Variants in PRIMA1 observed in about 807,000 individuals in gnomAD.
PRIMA1 encodes proline rich membrane anchor 1.
PRIMA1 carries 7 observed loss-of-function variants against 17.5 expected under a neutral mutation model. The observed-to-expected ratio is 0.40, with a 90% CI of 0.23 to 0.75. The LOEUF (loss-of-function observed/expected upper bound fraction) is 0.75, where lower values mean the gene tolerates loss of function less well. PRIMA1 is among the 30% of genes least tolerant of loss of function. The pLI is 0.37. For missense variants in PRIMA1, 200 were observed against 201.8 expected (o/e 0.99, Z 0.05); for synonymous variants, 97 against 77.9 (o/e 1.25, Z -1.29).
intron 4 of PRIMA1, among the ~76,000 whole-genome samples, chr14:93,728,024 G>A (rs1260836171): frequency 1.3e-5 from 2 of 152,170 alleles, no homozygotes; most frequent in South Asian, 2.1e-4. Flanking sequence ...TGCTTCGGGG[G>A]CTCCTGAAGC....
chr14:93,784,008 CCT>C (rs1442845930), intron 2 of PRIMA1, among the ~76,000 whole-genome samples: 2 of 152,294 alleles, frequency 1.3e-5, no homozygotes, highest in Non-Finnish European at 2.9e-5. Context: ...TCCATCTATT[CCT>C]CTGTTTCCTT....
At chr14:93,788,312 C>T (rs1274178359) in intron 1 of PRIMA1, 98 bp downstream of exon 1, 2 of 154,796 alleles carry the variant, frequency 1.3e-5, no homozygotes, top group African/African-American at 4.8e-5. Flanking sequence ...GTGCGCTGCC[C>T]CTTTGCACGC....
At chr14:93,756,338 A>G (rs1211864097) in intron 3 of PRIMA1, among the ~76,000 whole-genome samples, 1 of 152,230 alleles carries the variant, frequency 6.6e-6, no homozygotes, top group Non-Finnish European at 1.5e-5. Flanking sequence ...CTGTGGCCTC[A>G]GACATGGATT....
intron 3 of PRIMA1, among the ~76,000 whole-genome samples, chr14:93,744,538 A>C (rs1044510480): frequency 9.2e-5 from 14 of 152,184 alleles, no homozygotes; most frequent in African/African-American, 3.4e-4. Context: ...GAAAACCACA[A>C]ATACAAAATC....
intron 3 of PRIMA1, among the ~76,000 whole-genome samples, chr14:93,759,489 G>A (rs1046892859): frequency 1.8e-4 from 27 of 152,202 alleles, no homozygotes; most frequent in African/African-American, 6.3e-4. Context: ...ATGTGTGTGC[G>A]CGTGCATGTG....
chr14:93,758,083 T>C (rs1436272683), intron 3 of PRIMA1, among the ~76,000 whole-genome samples: 1 of 152,186 alleles, frequency 6.6e-6, no homozygotes, highest in Non-Finnish European at 1.5e-5. Flanking sequence ...CCCTGGCTCA[T>C]TCCTTCACTT....
intron 3 of PRIMA1, among the ~76,000 whole-genome samples, chr14:93,744,765 A>G (rs2076206308): frequency 6.6e-6 from 1 of 151,958 alleles, no homozygotes; most frequent in African/African-American, 2.4e-5. Context: ...CCTCCCTCCA[A>G]TCACGGATTC....
Position 93,776,313 on chromosome 14 carries a change from G to A in PRIMA1, c.229+2863C>T, listed in dbSNP as rs554205477. 1.6e-3 allele frequency among the ~76,000 whole-genome samples: 245 copies of A among 152,314 alleles called. 1 individual carries two copies. Among genetic ancestry groups the A allele is most frequent in the African/African-American group, 5.1e-3 (214 of 41,572 alleles). ...AGATGTGTTTTTGCTACTTGAAACA[G>A]AAAAAGTCCTGCCATACAGAGCTCT... On this transcript the variant is annotated intron_variant, in intron 3 of 4. Coordinates refer to ENST00000393140, the MANE Select transcript of PRIMA1 (RefSeq NM_178013.4).
intron 3 of PRIMA1, among the ~76,000 whole-genome samples, chr14:93,764,820 C>T (rs56073943): frequency 0.12 from 18,480 of 152,088 alleles, 1,679 homozygotes; most frequent in African/African-American, 0.25. Context: ...AGGTACTGCC[C>T]GTAGCAGATG....
chr14:93,766,118 T>C (rs1463664591), intron 3 of PRIMA1, among the ~76,000 whole-genome samples: 1 of 152,214 alleles, frequency 6.6e-6, no homozygotes, highest in African/African-American at 2.4e-5. Flanking sequence ...GCTGTAGATT[T>C]TTTTAAAGAC....
intron 3 of PRIMA1, among the ~76,000 whole-genome samples, chr14:93,751,065 C>CG (rs971104309): frequency 6.6e-6 from 1 of 152,234 alleles, no homozygotes; most frequent in Non-Finnish European, 1.5e-5. Context: ...CTGGAAGGCT[C>CG]GGGGGAGCTG....
Position 93,787,682 on chromosome 14 carries a change from A to G in PRIMA1, c.37T>C (p.Cys13Arg). The G allele has an allele frequency of 6.5e-7, 1 of 1,544,550 alleles. No individual in the cohort carries two copies. The highest frequency in any genetic ancestry group is 8.7e-7 in the Non-Finnish European group (1 of 1,146,792). ...LRDLVLRRGC[C>R]WSSLLLHCAL... is the part of the protein sequence containing the mutation. Reference sequence around the variant, plus strand: ...CAGTGCAGCAGCAGCGAGGACCAGCAGCAGCCACGGCGCAGCACCAAGTCC... The same window carrying G: ...CAGTGCAGCAGCAGCGAGGACCAGCGGCAGCCACGGCGCAGCACCAAGTCC... The change falls in exon 2 of 5, where the codon TGC becomes CGC. Residue 13 changes from cysteine (C) to arginine (R), a missense_variant. Physicochemically the swap from Cys to Arg is radical, Grantham distance 180. Transcript: ENST00000393140.
chr14:93,738,914 G>C (rs1439824591), intron 3 of PRIMA1, among the ~76,000 whole-genome samples: 1 of 152,194 alleles, frequency 6.6e-6, no homozygotes, highest in Non-Finnish European at 1.5e-5. Flanking sequence ...GAATCATGCA[G>C]TGTGTATTTT....
intron 3 of PRIMA1, among the ~76,000 whole-genome samples, chr14:93,747,902 G>T (rs570299933): frequency 8.3e-4 from 75 of 90,838 alleles, no homozygotes; most frequent in Non-Finnish European, 1.4e-3. Flanking sequence ...GTATGAGTGT[G>T]TAAGAGTGGG....
intron 2 of PRIMA1, among the ~76,000 whole-genome samples, chr14:93,787,270 G>A (rs998245540): frequency 8.5e-5 from 13 of 152,158 alleles, no homozygotes; most frequent in Non-Finnish European, 1.6e-4. Context: ...GTTCATCAGT[G>A]GTTCTGGTGA....
At chr14:93,757,933 T>G (rs77081974) in intron 3 of PRIMA1, among the ~76,000 whole-genome samples, 3,117 of 152,206 alleles carry the variant, frequency 0.02, 118 homozygotes, top group African/African-American at 0.071. Flanking sequence ...CACCCACAGG[T>G]TCCCTTCGCG....
intron 2 of PRIMA1, 95 bp downstream of exon 2, chr14:93,787,531 G>C: frequency 6.7e-7 from 1 of 1,503,254 alleles, no homozygotes; most frequent in Admixed American, 2.0e-5. Flanking sequence ...CAATCAGTGG[G>C]GTGGCTGCAA....
chr14:93,779,234 AG>A lies in PRIMA1; in HGVS notation c.170del (p.Pro57LeufsTer38). 3.6e-6 allele frequency: 3 copies of A among 831,598 alleles called. No individual in the cohort carries two copies. Among genetic ancestry groups the A allele is most frequent in the Non-Finnish European group, 5.2e-6 (3 of 581,490 alleles). 51.5% of individuals were successfully genotyped at this position (831,598 alleles called of 1,614,324 possible). ...GTGGGGGCGGCGGGGGCAGCGGGGG[AG>A]GGGGCCGGCACTGGCAGACGTGTCG... ...SCRHVCQCRP[P>X]PPLPPPPPPP... On this transcript the variant is annotated frameshift_variant, in exon 3 of 5. Transcript: ENST00000393140. LOFTEE classifies it high-confidence loss of function.
chr14:93,745,913 C>A (rs1018842229), intron 3 of PRIMA1, among the ~76,000 whole-genome samples: 1 of 152,192 alleles, frequency 6.6e-6, no homozygotes, highest in African/African-American at 2.4e-5. Context: ...GGCAACAGAA[C>A]CGCCTCCTCA....
Sources: gnomAD v4.1 joint callset for allele counts (sites outside exome capture counted in the v4.1 genomes callset) on GRCh38, gnomAD v4.1.1 for gene constraint, MANE v1.5 for transcripts, NCBI Gene and HGNC (gene_info 2026-07-23, HGNC 2026-07-21) for gene names.